The following PCDHGA7 variants were observed in gnomAD, a reference collection of about 807,000 sequenced individuals.
PCDHGA7 encodes protocadherin gamma subfamily A, 7, also known as protocadherin gamma-A7.
A neutral mutation model predicts 58.3 loss-of-function variants in PCDHGA7; 44 were observed. The observed-to-expected ratio is 0.75, with a 90% CI of 0.59 to 0.97. The LOEUF (loss-of-function observed/expected upper bound fraction) is 0.97, where lower values mean the gene tolerates loss of function less well. PCDHGA7 is among the 50% of genes least tolerant of loss of function. The probability of loss-of-function intolerance (pLI) is 0.00; values close to 1 mark genes in which losing one functional copy is unlikely to be tolerated. For synonymous variants in PCDHGA7, 516 were observed against 504.2 expected (o/e 1.02, Z -0.31); for missense variants, 1,266 against 1,188.7 (o/e 1.06, Z -0.96).
intron 1 of PCDHGA7, chr5:141,389,914 C>A (rs754458764): frequency 1.2e-6 from 2 of 1,613,956 alleles, no homozygotes; most frequent in African/African-American, 2.7e-5. Flanking sequence ...ACTGACCGCC[C>A]CGACCCCTCT....
At chr5:141,388,513 T>A in intron 1 of PCDHGA7, 2 of 1,613,840 alleles carry the variant, frequency 1.2e-6, no homozygotes, top group Non-Finnish European at 1.7e-6. Context: ...TCCTACCACT[T>A]GACTTTGACT....
chr5:141,492,602 C>G (rs1352851783), intron 1 of PCDHGA7, among the ~76,000 whole-genome samples: 2 of 152,222 alleles, frequency 1.3e-5, no homozygotes, highest in Non-Finnish European at 2.9e-5. Flanking sequence ...GAGCGACTGC[C>G]GCTCTAAGTG....
At chr5:141,499,730 T>C (rs1412528402) in intron 2 of PCDHGA7, among the ~76,000 whole-genome samples, 1 of 143,912 alleles carries the variant, frequency 6.9e-6, no homozygotes, top group East Asian at 2.1e-4. Context: ...AGTCTCACTC[T>C]CTTGCCCAGG....
At chr5:141,388,274 G>A (rs1340999969) in intron 1 of PCDHGA7, 1 of 1,590,544 alleles carries the variant, frequency 6.3e-7, no homozygotes, top group African/African-American at 1.5e-5. Context: ...ATGACCACAC[G>A]CCAAAATTCA....
chr5:141,504,645 T>C (rs1481469819), intron 2 of PCDHGA7, among the ~76,000 whole-genome samples: 2 of 112,538 alleles, frequency 1.8e-5, no homozygotes, highest in Non-Finnish European at 3.4e-5. Context: ...GGTTTGATGA[T>C]AGAGTGTTTG....
intron 1 of PCDHGA7, chr5:141,403,576 C>T (rs976638680): frequency 1.9e-6 from 3 of 1,613,946 alleles, no homozygotes; most frequent in Non-Finnish European, 2.5e-6. Context: ...CAACTGCCCA[C>T]CACCTGGTCC....
intron 1 of PCDHGA7, chr5:141,417,540 A>G (rs1301087527): frequency 2.0e-5 from 6 of 301,520 alleles, no homozygotes; most frequent in Non-Finnish European, 3.6e-5. Context: ...TTTAAAAAAA[A>G]TTCCTTGAAA....
At chr5:141,388,728 A>G (rs377444638) in intron 1 of PCDHGA7, 11 of 1,613,902 alleles carry the variant, frequency 6.8e-6, no homozygotes, top group Admixed American at 1.7e-5. Flanking sequence ...TTTCTCTTTC[A>G]GTGAAGCTAG....
intron 1 of PCDHGA7, among the ~76,000 whole-genome samples, chr5:141,442,843 G>C (rs1264073611): frequency 2.0e-5 from 3 of 152,134 alleles, no homozygotes; most frequent in African/African-American, 7.2e-5. Flanking sequence ...GACAAATCTT[G>C]GCCATTGTAG....
At chr5:141,423,357 C>A in intron 1 of PCDHGA7, 1 of 1,614,214 alleles carries the variant, frequency 6.2e-7, no homozygotes, top group Non-Finnish European at 8.5e-7. Flanking sequence ...TCTTTGTCAT[C>A]GTGCTGCTGG....
chr5:141,399,708 A>G lies in PCDHGA7; in HGVS notation c.2424+14385A>G, dbSNP rs769072460. On this transcript the variant is annotated intron_variant, in intron 1 of 3. Transcript: ENST00000518325. ...AGCAGCTGCGCACCTTCGAACTCAC[A>G]CTACAGGCCCGCGACCAGGGCTCGC... 5.6e-6 allele frequency: 9 copies of G among 1,613,256 alleles called. No homozygotes were observed. In the African/African-American group the frequency reaches 8.0e-5, roughly 14 times the overall value.
chr5:141,416,441 T>C (rs2096024396), intron 1 of PCDHGA7: 1 of 152,162 alleles, frequency 6.6e-6, no homozygotes, highest in Non-Finnish European at 1.5e-5. Flanking sequence ...TGAAAGTAAA[T>C]ATGGGTTGGG....
rs141605264 is a variant in PCDHGA7, at chr5:141,479,755, A to C, written c.2425-15052A>C. The C allele has an allele frequency of 2.6e-3, 390 of 152,364 alleles. 2 individuals are homozygous for C. The highest frequency in any genetic ancestry group is 9.1e-3 in the African/African-American group (378 of 41,580). 9.4% of individuals were successfully genotyped at this position (152,364 alleles called of 1,614,324 possible). On this transcript the variant is annotated intron_variant, in intron 1 of 3. Coordinates refer to ENST00000518325, the MANE Select transcript of PCDHGA7 (RefSeq NM_018920.4). ...AGTATATGCACAATGTGAAAGGTAG[A>C]TAAATTCATATCCTTAGACAGGTAA...
intron 1 of PCDHGA7, chr5:141,395,290 T>A: frequency 6.5e-7 from 1 of 1,529,840 alleles, no homozygotes; most frequent in Non-Finnish European, 8.8e-7. Flanking sequence ...TTATTTGGCA[T>A]AAATTATGTT....
rs970369905 is a variant in PCDHGA7 at position 141,384,340 on chromosome 5, A to C, written c.1441A>C (p.Ser481Arg). The change falls in exon 1 of 4, where the codon AGT becomes CGT. Residue 481 changes from serine (S) to arginine (R), a missense_variant. Transcript: ENST00000518325. ...IFLVTAQDHDSEDNAQITYSL... is the reference protein window; with the variant it reads ...IFLVTAQDHDREDNAQITYSL... ...CTTAGTGACTGCACAGGACCACGAC[A>C]GTGAGGATAATGCCCAGATCACTTA... 3.7e-6 allele frequency: 6 copies of C among 1,613,856 alleles called. No individual in the cohort carries two copies. The highest frequency in any genetic ancestry group is 1.1e-5 in the South Asian group (1 of 91,090).
At position 141,420,019 on chromosome 5, in the gene PCDHGA7, C is replaced by T. The variant is rs2096459006; in HGVS notation, c.2424+34696C>T. 13 of 1,614,072 alleles carry T rather than the reference C, an allele frequency of 8.1e-6. No homozygotes were observed. In the East Asian group the frequency reaches 2.7e-4, roughly 33 times the overall value. On this transcript the variant is annotated intron_variant, in intron 1 of 3. Coordinates refer to ENST00000518325, the MANE Select transcript of PCDHGA7 (RefSeq NM_018920.4). ...CTCTACGCCTGCGACAGTCTTTCAGCCCTACTGCAGGAGACTGCTTTGAGT... is the reference window on the plus strand; with the variant it reads ...CTCTACGCCTGCGACAGTCTTTCAGTCCTACTGCAGGAGACTGCTTTGAGT...
chr5:141,472,465 A>C (rs886879646), intron 1 of PCDHGA7, among the ~76,000 whole-genome samples: 4 of 152,032 alleles, frequency 2.6e-5, no homozygotes, highest in Non-Finnish European at 5.9e-5. Flanking sequence ...GCTTGAACCC[A>C]GAAGGCAGAG....
At chr5:141,404,147 G>C in intron 1 of PCDHGA7, 1 of 1,612,990 alleles carries the variant, frequency 6.2e-7, no homozygotes, top group African/African-American at 1.3e-5. Context: ...AAATTCAGAA[G>C]AAGATTATTA....
intron 1 of PCDHGA7, among the ~76,000 whole-genome samples, chr5:141,460,737 G>GTA (rs1393989215): frequency 2.0e-5 from 3 of 150,700 alleles, no homozygotes; most frequent in East Asian, 1.9e-4. Context: ...TATACACATT[G>GTA]TATATATATG....
Sources: allele counts gnomAD v4.1 joint callset (sites outside exome capture counted in the v4.1 genomes callset), GRCh38; gene constraint gnomAD v4.1.1; transcripts MANE v1.5; gene names NCBI Gene and HGNC (gene_info 2026-07-23, HGNC 2026-07-21).